The following BAIAP3 variants were observed in gnomAD, a reference collection of about 807,000 sequenced individuals.
BAIAP3 encodes BAI1 associated protein 3, also known as BAI1-associated protein 3.
A neutral mutation model predicts 149.7 loss-of-function variants in BAIAP3; 180 were observed. The ratio of observed to expected loss-of-function variants is 1.20; its 90% CI spans 1.07 to 1.36. BAIAP3 has a LOEUF of 1.36. BAIAP3 is among the 40% of genes most tolerant of loss of function. The pLI, the probability that BAIAP3 is intolerant of heterozygous loss-of-function variation, is 0.00. For missense variants in BAIAP3, 1,767 were observed against 1,563.4 expected (o/e 1.13, Z -2.20); for synonymous variants, 845 against 670.7 (o/e 1.26, Z -4.02).
chr16:1,347,158 C>A (rs932448591), intron 28 of BAIAP3, 140 bp from the exon 29 acceptor site: 1 of 980,718 alleles, frequency 1.0e-6, no homozygotes, highest in South Asian at 1.7e-5. Context: ...GCTTCCGATG[C>A]CCGCCAGGGT....
chr16:1,345,106 GC>G lies in BAIAP3; in HGVS notation c.1940+11del, dbSNP rs776276492. The G allele has an allele frequency of 5.6e-6, 9 of 1,612,292 alleles. No homozygotes were observed. Among genetic ancestry groups the G allele is most frequent in the Non-Finnish European group, 7.6e-6 (9 of 1,179,960 alleles). ...GGGATAGCATCCCTGGCCGGTGGGTGCCCCGTCCCTATCTCTTGCAGACAGA... is the reference window on the plus strand; with the variant it reads ...GGGATAGCATCCCTGGCCGGTGGGTGCCCGTCCCTATCTCTTGCAGACAGA... On this transcript the variant is annotated splice_region_variant and intron_variant, in intron 21 of 33. Transcript: ENST00000426824.
In BAIAP3 at chr16:1,340,639, C is replaced by T. The variant is rs371080007; in HGVS notation, c.409-283C>T. 6.6e-5 allele frequency among the ~76,000 whole-genome samples: 10 copies of T among 152,274 alleles called. No individual in the cohort carries two copies. The South Asian group carries it at 1.7e-3, about 25-fold the overall frequency. On this transcript the variant is annotated intron_variant, in intron 5 of 33. Transcript: ENST00000426824. The stretch of plus-strand genomic sequence containing the variant: ...AGGCTGACAGACGCACCTCGAAGGA[C>T]GCTCCCGGCTTCCACCTGCATGTGC...
intron 1 of BAIAP3, among the ~76,000 whole-genome samples, chr16:1,337,745 G>T (rs973852947): frequency 6.6e-5 from 10 of 152,232 alleles, no homozygotes; most frequent in African/African-American, 2.4e-4. Flanking sequence ...GAGGGGAACT[G>T]ACGCTGGATG....
At chr16:1,346,567 G>A (rs1247411464) in intron 26 of BAIAP3, 38 bp from the exon 27 acceptor site, 2 of 1,573,684 alleles carry the variant, frequency 1.3e-6, no homozygotes, top group East Asian at 2.3e-5. Context: ...TAGGGCAGAG[G>A]TGCGGGGTAA....
In BAIAP3 at chr16:1,341,456, C is replaced by T; in HGVS notation, c.698C>T (p.Thr233Ile). The T allele has an allele frequency of 6.2e-7, 1 of 1,612,054 alleles. No homozygotes were observed. Residue 233 changes from threonine (T) to isoleucine (I), a missense_variant, in exon 8 of 34, where the codon ACC (threonine) becomes ATC (isoleucine). Thr to Ile is a moderately conservative substitution (Grantham distance 89). Transcript: ENST00000426824. ...CAGGTCACCGAGGTGAAGAGCAGCA[C>T]CCTGAACCCCGTCTGGAAGGAGCAC... ...CIQVTEVKSSTLNPVWKEHFL... is the reference protein window; with the variant it reads ...CIQVTEVKSSILNPVWKEHFL...
At chr16:1,335,313 T>G (rs2033384083) in intron 1 of BAIAP3, among the ~76,000 whole-genome samples, 1 of 152,218 alleles carries the variant, frequency 6.6e-6, no homozygotes, top group Non-Finnish European at 1.5e-5. Context: ...TTGGCGGTCC[T>G]CCCTCTGCTC....
intron 1 of BAIAP3, chr16:1,334,527 A>T: frequency 4.1e-6 from 3 of 728,724 alleles, no homozygotes; most frequent in South Asian, 1.8e-5. Context: ...GGGAGGAAGA[A>T]GGCGCCTCGG....
chr16:1,342,135 C>T, intron 10 of BAIAP3, 46 bp from the exon 11 acceptor site: 1 of 1,570,732 alleles, frequency 6.4e-7, no homozygotes, highest in Non-Finnish European at 8.7e-7. Context: ...CGGGCAGTGG[C>T]TCCCCAGGAG....
At chr16:1,338,098 G>A (rs1200014998) in intron 1 of BAIAP3, among the ~76,000 whole-genome samples, 7 of 152,132 alleles carry the variant, frequency 4.6e-5, no homozygotes, top group Admixed American at 2.6e-4. Context: ...GAGTCGGCAC[G>A]GGGGCTGGGG....
At chr16:1,343,915 G>T in intron 15 of BAIAP3, 107 bp from the exon 16 acceptor site, 1 of 1,534,450 alleles carries the variant, frequency 6.5e-7, no homozygotes, top group Non-Finnish European at 8.8e-7. Context: ...AGCAGAGCTG[G>T]GCTGACCATG....
At chr16:1,334,093 A>AC (rs1462610387) in intron 1 of BAIAP3, among the ~76,000 whole-genome samples, 1 of 148,480 alleles carries the variant, frequency 6.7e-6, no homozygotes, top group Non-Finnish European at 1.5e-5. Flanking sequence ...CGAGGCTTCG[A>AC]CCCCCGCGCC....
chr16:1,346,966 G>T lies in BAIAP3; in HGVS notation c.2751+11G>T. ...CATTTCACGCTGGAGGTAGAGCTCT[G>T]TGAAGGAGTCCTCCCCGCCGGCCCC... On this transcript the variant is annotated intron_variant, in intron 28 of 33. Transcript: ENST00000426824. 1 of 1,593,884 alleles carries T rather than the reference G, an allele frequency of 6.3e-7. No individual in the cohort carries two copies. The highest frequency in any genetic ancestry group is 8.5e-7 in the Non-Finnish European group (1 of 1,170,020).
rs150284316 is a variant in BAIAP3, at chr16:1,349,104, G to A, written c.*622G>A. ...GCTGGTGGTCAGTGTGAAGGGCTCC[G>A]TGCCAACTGGTCAGCTGTCCTTCAC... On this transcript the variant is annotated 3_prime_UTR_variant, in exon 34 of 34. Coordinates refer to ENST00000426824, the MANE Select transcript of BAIAP3 (RefSeq NM_001199097.2). The A allele has an allele frequency of 7.0e-4, 264 of 378,864 alleles. 2 individuals are homozygous for A. In the East Asian group the frequency reaches 0.013, roughly 18 times the overall value. 23.5% of individuals were successfully genotyped at this position (378,864 alleles called of 1,614,324 possible). A position where few individuals can be genotyped will look rare whatever the true frequency, so the allele number is the denominator to read the frequency against.
At chr16:1,334,076 C>A (rs1203030832) in intron 1 of BAIAP3, among the ~76,000 whole-genome samples, 1 of 151,834 alleles carries the variant, frequency 6.6e-6, no homozygotes, top group African/African-American at 2.4e-5. Flanking sequence ...GCACTTGAGC[C>A]GCCAAGCGAG....
At position 1,338,467 on chromosome 16, in the gene BAIAP3, C is replaced by G; in HGVS notation, c.-10-73C>G. 3.7e-6 allele frequency: 2 copies of G among 541,750 alleles called. 1 individual carries two copies. The highest frequency in any genetic ancestry group is 5.1e-6 in the Non-Finnish European group (2 of 388,700). 33.6% of individuals were successfully genotyped at this position (541,750 alleles called of 1,614,324 possible). On this transcript the variant is annotated intron_variant, in intron 1 of 33. Transcript: ENST00000426824. ...CACCTCTTCCCGCCCCACCCCCCCA[C>G]CCCCCCGCCTGCTGTGGTGCACGGA...
chr16:1,341,523 G>A (rs1226519163), intron 8 of BAIAP3, 34 bp downstream of exon 8: 9 of 1,585,592 alleles, frequency 5.7e-6, no homozygotes, highest in Non-Finnish European at 6.0e-6. Flanking sequence ...GCGGGAGGGG[G>A]GCTCTGCCTG....
At chr16:1,340,060 GAC>G (rs1244114802) in intron 5 of BAIAP3, among the ~76,000 whole-genome samples, 6 of 112,194 alleles carry the variant, frequency 5.3e-5, no homozygotes, top group Admixed American at 1.9e-4. Flanking sequence ...GGTGCACACA[GAC>G]ACGCACACAC....
chr16:1,345,136 TG>T, intron 21 of BAIAP3, 37 bp downstream of exon 21: 3 of 1,611,918 alleles, frequency 1.9e-6, no homozygotes, highest in Non-Finnish European at 2.5e-6. Flanking sequence ...AGACAGACTT[TG>T]GGACCAGGGC....
At chr16:1,336,023 T>C (rs2033428991) in intron 1 of BAIAP3, among the ~76,000 whole-genome samples, 1 of 152,056 alleles carries the variant, frequency 6.6e-6, no homozygotes, top group South Asian at 2.1e-4. Flanking sequence ...CCGAGCCCCC[T>C]TTTTCTGCCT....
Sources: allele counts gnomAD v4.1 joint callset (sites outside exome capture counted in the v4.1 genomes callset), GRCh38; gene constraint gnomAD v4.1.1; transcripts MANE v1.5; gene names NCBI Gene and HGNC (gene_info 2026-07-23, HGNC 2026-07-21).